BRINP1: variants seen among roughly 807,000 people sequenced by gnomAD.
The protein encoded by BRINP1 is BMP/retinoic acid inducible neural specific 1, also known as BMP/retinoic acid-inducible neural-specific protein 1.
BRINP1 carries 17 observed loss-of-function variants against 72.9 expected under a neutral mutation model. That is an observed-to-expected ratio of 0.23 (90% CI 0.16 to 0.35). The LOEUF is 0.35. Ranked by LOEUF, BRINP1 falls within the 10% of genes least tolerant of loss-of-function variation. BRINP1 has a pLI of 1.00. For missense variants in BRINP1, 850 were observed against 1,001.6 expected (o/e 0.85, Z 2.04); for synonymous variants, 418 against 378.5 (o/e 1.10, Z -1.21).
chr9:119,288,952 CGCCACACCTG>C (rs2118970758), intron 2 of BRINP1, among the ~76,000 whole-genome samples: 1 of 152,224 alleles, frequency 6.6e-6, no homozygotes, highest in South Asian at 2.1e-4. Context: ...AGGCATGTGC[CGCCACACCTG>C]GCTAATTTTT....
At chr9:119,302,190 G>A (rs762098023) in intron 2 of BRINP1, among the ~76,000 whole-genome samples, 1 of 152,192 alleles carries the variant, frequency 6.6e-6, no homozygotes, top group South Asian at 2.1e-4. Flanking sequence ...TTCAACATTA[G>A]AACACAATAC....
chr9:119,298,829 C>T (rs2118980143), intron 2 of BRINP1, among the ~76,000 whole-genome samples: 1 of 152,302 alleles, frequency 6.6e-6, no homozygotes, highest in South Asian at 2.1e-4. Flanking sequence ...CAACCCTCTC[C>T]TTTCCCTTTA....
At position 119,166,885 on chromosome 9, in the gene BRINP1, T is replaced by C. The variant is rs756630185; in HGVS notation, c.*199A>G. 1.7e-5 allele frequency: 10 copies of C among 594,658 alleles called. No homozygotes were observed. The highest frequency in any genetic ancestry group is 9.3e-5 in the African/African-American group (5 of 53,746). The allele number at this position is 594,658 out of a possible 1,614,324, so 36.8% of individuals were successfully genotyped here. On this transcript the variant is annotated 3_prime_UTR_variant, in exon 8 of 8. Transcript: ENST00000265922. ...ACCCTTCTTCATGACAGAGTGAGTA[T>C]AGAAATAACAAACATGCCCAACGCT...
chr9:119,219,084 C>T (rs1830011415), intron 5 of BRINP1, among the ~76,000 whole-genome samples: 1 of 152,118 alleles, frequency 6.6e-6, no homozygotes, highest in Admixed American at 6.5e-5. Context: ...CCTCACCAGA[C>T]ACCATATCTG....
chr9:119,228,431 T>C (rs983001655), intron 5 of BRINP1, among the ~76,000 whole-genome samples: 3 of 151,010 alleles, frequency 2.0e-5, no homozygotes, highest in African/African-American at 7.3e-5. Context: ...TCTAATCTAA[T>C]AGAAAAGATA....
intron 1 of BRINP1, among the ~76,000 whole-genome samples, chr9:119,333,330 G>T (rs1406455544): frequency 6.6e-6 from 1 of 151,878 alleles, no homozygotes; most frequent in Non-Finnish European, 1.5e-5. Context: ...AGGCATGGTG[G>T]TGCACGCCTG....
At chr9:119,262,836 A>G (rs767345916) in intron 2 of BRINP1, among the ~76,000 whole-genome samples, 1 of 152,080 alleles carries the variant, frequency 6.6e-6, no homozygotes, top group Non-Finnish European at 1.5e-5. Context: ...AGTGGCCTTC[A>G]TGCTTTTACT....
At chr9:119,178,561 G>A (rs1829515917) in intron 7 of BRINP1, among the ~76,000 whole-genome samples, 3 of 152,144 alleles carry the variant, frequency 2.0e-5, no homozygotes, top group African/African-American at 4.8e-5. Context: ...AACTCTACAA[G>A]GTTCAATTGT....
intron 2 of BRINP1, among the ~76,000 whole-genome samples, chr9:119,259,526 T>C (rs991410004): frequency 6.6e-6 from 1 of 152,224 alleles, no homozygotes; most frequent in East Asian, 1.9e-4. Flanking sequence ...AAAATTCTGT[T>C]GACTCAATTT....
intron 2 of BRINP1, among the ~76,000 whole-genome samples, chr9:119,260,636 A>C (rs1830486356): frequency 1.3e-5 from 2 of 152,244 alleles, no homozygotes; most frequent in Non-Finnish European, 2.9e-5. Context: ...ATGTTTACCC[A>C]CATAGCCTTC....
At position 119,208,890 on chromosome 9, in the gene BRINP1, A is replaced by G; in HGVS notation, c.974T>C (p.Ile325Thr). Residue 325 changes from isoleucine (I) to threonine (T), a missense_variant, in exon 7 of 8, where the codon ATC becomes ACC. Physicochemically the swap from Ile to Thr is moderately conservative, Grantham distance 89. Coordinates refer to ENST00000265922, the MANE Select transcript of BRINP1 (RefSeq NM_014618.3). The part of the protein sequence containing the change: ...KRLPSNHFLT[I>T]GSIHQHWGND... ...GCCCCAGTGCTGATGGATGCTTCCG[A>G]TGGTCAGGAAGTGGTTGCTGGGGAG... 6.2e-7 allele frequency: 1 copy of G among 1,614,088 alleles called. No homozygotes were observed. The highest frequency in any genetic ancestry group is 8.5e-7 in the Non-Finnish European group (1 of 1,180,002).
intron 2 of BRINP1, among the ~76,000 whole-genome samples, chr9:119,274,018 G>A (rs1410024887): frequency 6.6e-6 from 1 of 152,174 alleles, no homozygotes; most frequent in Non-Finnish European, 1.5e-5. Context: ...ACTCAAATGA[G>A]ATTATTCTGG....
intron 7 of BRINP1, among the ~76,000 whole-genome samples, chr9:119,169,497 G>C (rs980816567): frequency 1.1e-4 from 16 of 152,190 alleles, no homozygotes; most frequent in African/African-American, 3.9e-4. Context: ...ACAGAGTCTC[G>C]CTGATTGCTA....
At chr9:119,235,116 C>A (rs1429278014) in intron 5 of BRINP1, among the ~76,000 whole-genome samples, 15 of 152,030 alleles carry the variant, frequency 9.9e-5, no homozygotes, top group Admixed American at 9.8e-4. Flanking sequence ...TCTGTAGTAG[C>A]CCCCTAAATG....
chr9:119,311,147 T>C (rs540879871), intron 2 of BRINP1, among the ~76,000 whole-genome samples: 45 of 152,326 alleles, frequency 3.0e-4, no homozygotes, highest in African/African-American at 1.1e-3. Context: ...GCAACTACTA[T>C]ATTTATTTTA....
At chr9:119,361,724 G>C (rs1831633276) in intron 1 of BRINP1, among the ~76,000 whole-genome samples, 2 of 149,624 alleles carry the variant, frequency 1.3e-5, no homozygotes, top group South Asian at 2.1e-4. Flanking sequence ...AGGCTCAAGT[G>C]ATCCTCCTAC....
intron 3 of BRINP1, among the ~76,000 whole-genome samples, chr9:119,247,697 A>G (rs1422191610): frequency 1.4e-5 from 2 of 146,738 alleles, no homozygotes; most frequent in Non-Finnish European, 1.5e-5. Flanking sequence ...GATGACTGAC[A>G]TTGGATCAAA....
At chr9:119,308,603 T>C (rs1399767814) in intron 2 of BRINP1, among the ~76,000 whole-genome samples, 1 of 152,228 alleles carries the variant, frequency 6.6e-6, no homozygotes, top group African/African-American at 2.4e-5. Context: ...AAACCTATTA[T>C]TTTTGTGAAA....
chr9:119,353,712 C>G (rs948584692), intron 1 of BRINP1, among the ~76,000 whole-genome samples: 3 of 152,032 alleles, frequency 2.0e-5, no homozygotes, highest in Admixed American at 6.6e-5. Context: ...CCTTCTACAC[C>G]CAACTGTTCA....
Sources: gnomAD v4.1 joint callset for allele counts (sites outside exome capture counted in the v4.1 genomes callset) on GRCh38, gnomAD v4.1.1 for gene constraint, MANE v1.5 for transcripts, NCBI Gene and HGNC (gene_info 2026-07-23, HGNC 2026-07-21) for gene names.